Variants in PIK3C3 observed in about 807,000 individuals in gnomAD.
PIK3C3 encodes the protein phosphatidylinositol 3-kinase catalytic subunit type 3.
In PIK3C3, 95 loss-of-function variants were observed where a neutral mutation model predicts 126.1. The observed-to-expected ratio is 0.75, with a 90% CI of 0.64 to 0.89. The LOEUF (loss-of-function observed/expected upper bound fraction) is 0.89, where lower values mean the gene tolerates loss of function less well. Ranked by LOEUF, PIK3C3 falls within the 40% of genes least tolerant of loss-of-function variation. The probability of loss-of-function intolerance (pLI) is 0.00; values close to 1 mark genes in which losing one functional copy is unlikely to be tolerated. For missense variants in PIK3C3, 829 were observed against 1,063.2 expected (o/e 0.78, Z 3.06); for synonymous variants, 374 against 360.0 (o/e 1.04, Z -0.44).
chr18:42,046,110 T>C (rs1984545860), intron 20 of PIK3C3, among the ~76,000 whole-genome samples: 2 of 152,148 alleles, frequency 1.3e-5, no homozygotes, highest in Admixed American at 1.3e-4. Context: ...TTAAATTATC[T>C]TACCTATTGG....
At chr18:42,076,427 A>G (rs1986036497) in intron 24 of PIK3C3, among the ~76,000 whole-genome samples, 1 of 151,968 alleles carries the variant, frequency 6.6e-6, no homozygotes, top group Non-Finnish European at 1.5e-5. Context: ...AGTAAGTGTG[A>G]TATATAAAGG....
Position 42,085,846 on chromosome 18 carries a change from G to A in PIK3C3, c.*4709G>A, listed in dbSNP as rs1986387059. On this transcript the variant is annotated 3_prime_UTR_variant, in exon 25 of 25. Coordinates refer to ENST00000262039, the MANE Select transcript of PIK3C3 (RefSeq NM_002647.4). ...CATGCCTGTAATGCCAGCACTTTGG[G>A]AGGCCAAGGCAGGCAGATCACTTGA... 6.6e-6 allele frequency: 1 copy of A among 152,242 alleles called. No individual in the cohort carries two copies. Among genetic ancestry groups the A allele is most frequent in the African/African-American group, 2.4e-5 (1 of 41,436 alleles). 9.4% of individuals were successfully genotyped at this position (152,242 alleles called of 1,614,324 possible).
chr18:42,024,035 T>C (rs947266745), intron 13 of PIK3C3, among the ~76,000 whole-genome samples: 4 of 152,214 alleles, frequency 2.6e-5, no homozygotes, highest in African/African-American at 9.6e-5. Context: ...CTATAAATTG[T>C]TGCAGTTTTT....
chr18:42,040,695 A>T lies in PIK3C3; in HGVS notation c.2057A>T (p.Gln686Leu). 1 of 1,611,338 alleles carries T rather than the reference A, an allele frequency of 6.2e-7. No individual in the cohort carries two copies. Among genetic ancestry groups the T allele is most frequent in the Non-Finnish European group, 8.5e-7 (1 of 1,177,742 alleles). Reference sequence around the variant, plus strand: ...TGTGTAGGCTTCATGCAGTTTATCCAGTCAGTTCCTGTGGCTGAAGTTCTT... The same window carrying T: ...TGTGTAGGCTTCATGCAGTTTATCCTGTCAGTTCCTGTGGCTGAAGTTCTT... ...STKHGFMQFI[Q>L]SVPVAEVLDT... is the part of the protein sequence containing the mutation. Residue 686 changes from glutamine to leucine, a missense_variant, in exon 19 of 25, where the codon CAG (glutamine) becomes CTG (leucine). Gln to Leu is a moderately radical substitution (Grantham distance 113). Transcript: ENST00000262039.
intron 24 of PIK3C3, among the ~76,000 whole-genome samples, chr18:42,074,379 G>A (rs1449673038): frequency 6.6e-6 from 1 of 151,988 alleles, no homozygotes; most frequent in African/African-American, 2.4e-5. Context: ...CAGACTTGTA[G>A]TATAATTTTG....
chr18:42,035,803 T>A (rs762843227), intron 16 of PIK3C3, among the ~76,000 whole-genome samples: 3 of 152,146 alleles, frequency 2.0e-5, no homozygotes, highest in Non-Finnish European at 4.4e-5. Context: ...GTTTTCCTTG[T>A]ATGAGCTCCT....
intron 15 of PIK3C3, among the ~76,000 whole-genome samples, chr18:42,032,532 A>G (rs975917927): frequency 6.6e-6 from 1 of 152,088 alleles, no homozygotes; most frequent in Admixed American, 6.6e-5. Flanking sequence ...AAGATGAGAA[A>G]TCATGGTGGC....
intron 16 of PIK3C3, among the ~76,000 whole-genome samples, chr18:42,037,143 G>A (rs905696768): frequency 1.3e-5 from 2 of 152,132 alleles, no homozygotes; most frequent in Non-Finnish European, 2.9e-5. Context: ...AAGCATTTCT[G>A]TTATGGGATA....
At chr18:41,989,522 T>C (rs563593174) in intron 5 of PIK3C3, among the ~76,000 whole-genome samples, 5 of 152,292 alleles carry the variant, frequency 3.3e-5, no homozygotes, top group African/African-American at 1.2e-4. Context: ...TGTACAATGA[T>C]GGTTCCGTAA....
intron 3 of PIK3C3, 62 bp from the exon 4 acceptor site, chr18:41,970,265 A>C: frequency 6.9e-7 from 1 of 1,442,382 alleles, no homozygotes; most frequent in Non-Finnish European, 9.7e-7. Context: ...TTAGGAATCT[A>C]AAATTTCCTG....
chr18:41,986,895 A>G (rs1215934057), intron 4 of PIK3C3, among the ~76,000 whole-genome samples: 3 of 152,108 alleles, frequency 2.0e-5, no homozygotes, highest in South Asian at 2.1e-4. Context: ...CTGAAATAGT[A>G]TGACCACATA....
intron 13 of PIK3C3, among the ~76,000 whole-genome samples, chr18:42,022,749 G>A (rs1305601154): frequency 2.0e-5 from 3 of 151,836 alleles, no homozygotes; most frequent in African/African-American, 4.8e-5. Flanking sequence ...TTTTCCTCAC[G>A]TTAAATTTCA....
At chr18:42,024,962 C>A (rs1983493066) in intron 13 of PIK3C3, among the ~76,000 whole-genome samples, 1 of 151,978 alleles carries the variant, frequency 6.6e-6, no homozygotes, top group Non-Finnish European at 1.5e-5. Context: ...CGCCACTGTG[C>A]CCGGCTAATT....
chr18:41,963,086 T>C (rs1038149591), intron 3 of PIK3C3, among the ~76,000 whole-genome samples: 1 of 152,158 alleles, frequency 6.6e-6, no homozygotes, highest in Non-Finnish European at 1.5e-5. Flanking sequence ...TAGATGTTAA[T>C]TGTTAAAAAA....
At chr18:41,993,100 G>A (rs1331549152) in intron 6 of PIK3C3, among the ~76,000 whole-genome samples, 170 bp from the exon 7 acceptor site, 1 of 152,084 alleles carries the variant, frequency 6.6e-6, no homozygotes, top group Non-Finnish European at 1.5e-5. Context: ...CCAAGGAGAG[G>A]TACAAAGTGG....
Position 42,087,195 on chromosome 18 carries a change from GAAAC to G in PIK3C3, c.*6060_*6063del, listed in dbSNP as rs1986416883. On this transcript the variant is annotated 3_prime_UTR_variant, in exon 25 of 25. Coordinates refer to ENST00000262039, the MANE Select transcript of PIK3C3 (RefSeq NM_002647.4). ...TAATAGGTAGAAGAGAAGGGAAAGA[GAAAC>G]AGCTTCCTCTATAGATGTCTGCACT... 1 of 152,376 alleles carries G rather than the reference GAAAC, an allele frequency of 6.6e-6. No homozygotes were observed. The highest frequency in any genetic ancestry group is 2.1e-4 in the South Asian group (1 of 4,824). 9.4% of individuals were successfully genotyped at this position (152,376 alleles called of 1,614,324 possible).
intron 15 of PIK3C3, 94 bp from the exon 16 acceptor site, chr18:42,033,732 T>C: frequency 3.3e-6 from 3 of 908,830 alleles, no homozygotes; most frequent in Non-Finnish European, 4.9e-6. Flanking sequence ...GCAAATACTT[T>C]TAAGTTAATG....
At chr18:42,040,302 A>G (rs1296396875) in intron 18 of PIK3C3, among the ~76,000 whole-genome samples, 1 of 152,006 alleles carries the variant, frequency 6.6e-6, no homozygotes, top group Non-Finnish European at 1.5e-5. Flanking sequence ...GTAATCCACA[A>G]TTCTAGATTT....
intron 13 of PIK3C3, among the ~76,000 whole-genome samples, chr18:42,021,177 T>G (rs1459622562): frequency 6.6e-6 from 1 of 152,182 alleles, no homozygotes; most frequent in Non-Finnish European, 1.5e-5. Flanking sequence ...ATTAAATCAT[T>G]TATCTACTGC....
Sources: gnomAD v4.1 joint callset for allele counts (sites outside exome capture counted in the v4.1 genomes callset) on GRCh38, gnomAD v4.1.1 for gene constraint, MANE v1.5 for transcripts, NCBI Gene and HGNC (gene_info 2026-07-23, HGNC 2026-07-21) for gene names.